The following MYL6B variants were observed in gnomAD, a reference collection of about 807,000 sequenced individuals.
MYL6B encodes the protein myosin alkali light chain 1 slow a.
Under a neutral mutation model 24.5 loss-of-function variants are expected in MYL6B, and 19 were observed. That is an observed-to-expected ratio of 0.78 (90% CI 0.54 to 1.14). MYL6B has a LOEUF of 1.14. MYL6B is among the 50% of genes most tolerant of loss of function. The pLI, the probability that MYL6B is intolerant of heterozygous loss-of-function variation, is 0.00. For synonymous variants in MYL6B, 90 were observed against 100.7 expected (o/e 0.89, Z 0.64); for missense variants, 230 against 263.8 (o/e 0.87, Z 0.89).
At position 56,157,941 on chromosome 12, in the gene MYL6B, G is replaced by C. The variant is rs1213860417; in HGVS notation, c.*215G>C. On this transcript the variant is annotated 3_prime_UTR_variant, in exon 7 of 7. Transcript: ENST00000553066. The stretch of plus-strand genomic sequence containing the variant: ...GAAAGCACGTTCCAGCCACCAGGAG[G>C]CCACCTATTGTTTCAAAATAAAGAC... 1.7e-5 allele frequency: 10 copies of C among 600,692 alleles called. No homozygotes were observed. In the East Asian group the frequency reaches 2.5e-4, roughly 15 times the overall value. The allele number at this position is 600,692 out of a possible 1,614,324, so 37.2% of individuals were successfully genotyped here.
rs1251185345 is a variant in MYL6B at position 56,153,923 on chromosome 12, C to T, written c.5C>T (p.Pro2Leu). 3.1e-6 allele frequency: 5 copies of T among 1,610,692 alleles called. No homozygotes were observed. In the African/African-American group the frequency reaches 6.7e-5, roughly 22 times the overall value. The change falls in exon 2 of 7, where the codon CCT becomes CTT. Residue 2 changes from proline (P) to leucine (L), a missense_variant. Pro to Leu is a moderately conservative substitution (Grantham distance 98). Transcript: ENST00000553066. ...GTCCTTTGGCCACCGGACATCATGC[C>T]TCCCAAGAAGGATGTTCCCGTGAAG...
At chr12:56,155,394 TC>T in intron 4 of MYL6B, 24 bp from the exon 5 acceptor site, 5 of 1,614,150 alleles carry the variant, frequency 3.1e-6, no homozygotes, top group Non-Finnish European at 4.2e-6. Flanking sequence ...CAATGACCTC[TC>T]CTTTACCTCT....
At chr12:56,157,760 G>A in exon 7 of MYL6B, 4 of 1,607,088 alleles carry the variant, frequency 2.5e-6, no homozygotes, top group Non-Finnish European at 3.4e-6. Flanking sequence ...CCCCTTCGCC[G>A]CGCCTTACGA....
chr12:56,152,935 G>C (rs953705118), intron 1 of MYL6B, among the ~76,000 whole-genome samples: 2 of 151,852 alleles, frequency 1.3e-5, no homozygotes, highest in Non-Finnish European at 2.9e-5. Flanking sequence ...CTCTCTCCCA[G>C]CGCCCCTGGC....
intron 5 of MYL6B, 128 bp downstream of exon 5, chr12:56,155,720 GAGA>G (rs1871282336): frequency 6.5e-7 from 1 of 1,549,952 alleles, no homozygotes; most frequent in Non-Finnish European, 8.7e-7. Context: ...GCAGGAGACT[GAGA>G]AGGTCAGAGC....
chr12:56,156,434 G>T (rs1473665723), intron 5 of MYL6B, among the ~76,000 whole-genome samples: 2 of 150,290 alleles, frequency 1.3e-5, no homozygotes, highest in Non-Finnish European at 3.0e-5. Context: ...GTGAAACCTC[G>T]TCTCTACTAA....
At chr12:56,157,047 CA>C (rs34843827) in intron 5 of MYL6B, 8,991 of 110,354 alleles carry the variant, frequency 0.081, 717 homozygotes, top group African/African-American at 0.26. Context: ...GACCCTATCT[CA>C]AAAAAAAAAA....
exon 5 of MYL6B, chr12:56,155,529 T>C (rs1871275186): frequency 6.2e-7 from 1 of 1,613,610 alleles, no homozygotes. Flanking sequence ...GTTTCGTGTG[T>C]TTGACAAGGA....
rs555211252 is a variant in MYL6B, at chr12:56,157,868, G to GT, written c.*149dup. On this transcript the variant is annotated 3_prime_UTR_variant, in exon 7 of 7. Transcript: ENST00000553066. ...CGGGCTCCAGCGCTTCGCAACTTTG[G>GT]TTTTTTTCCACAGATCCAGTGGGGT... The GT allele has an allele frequency of 1.9e-6, 2 of 1,050,788 alleles. No homozygotes were observed. Among genetic ancestry groups the GT allele is most frequent in the Non-Finnish European group, 1.4e-6 (1 of 729,880 alleles). 65.1% of individuals were successfully genotyped at this position (1,050,788 alleles called of 1,614,324 possible).
rs1234185498 is a variant in MYL6B, at chr12:56,154,837, G to T, written c.199G>T (p.Glu67Ter). 6.2e-7 allele frequency: 1 copy of T among 1,612,604 alleles called. No homozygotes were observed. The highest frequency in any genetic ancestry group is 2.2e-5 in the East Asian group (1 of 44,882). Residue 67 changes from glutamate (E) to a stop codon, truncating the protein, a stop_gained, in exon 3 of 7, where the codon GAG becomes TAG. Coordinates refer to ENST00000553066, the Ensembl canonical transcript of MYL6B. LOFTEE classifies it high-confidence loss of function. ...GATCGAGTTTAACAAGGACCAGCTG[G>T]AGGGTGAGGAGAAGCTCATCTAAGG...
At position 56,153,860 on chromosome 12, in the gene MYL6B, G is replaced by A. The variant is rs910223029; in HGVS notation, c.-46-13G>A. On this transcript the variant is annotated splice_polypyrimidine_tract_variant and intron_variant, in intron 1 of 6. Coordinates refer to ENST00000553066, the Ensembl canonical transcript of MYL6B. ...GCCCCTTGACATCCCAGACTCCCTG[G>A]CTATTTAAACAGAGATGGGTGCCCC... 2.0e-6 allele frequency: 3 copies of A among 1,516,666 alleles called. No homozygotes were observed. Among genetic ancestry groups the A allele is most frequent in the Admixed American group, 4.2e-5 (2 of 47,564 alleles). 94.0% of individuals were successfully genotyped at this position (1,516,666 alleles called of 1,614,324 possible).
intron 5 of MYL6B, chr12:56,157,187 G>C (rs962470275): frequency 2.5e-6 from 1 of 395,958 alleles, no homozygotes; most frequent in African/African-American, 2.0e-5. Flanking sequence ...CTGAGGTCAA[G>C]AGTTTGAGAG....
In MYL6B at chr12:56,153,861, C is replaced by G; in HGVS notation, c.-46-12C>G. 1 of 1,518,188 alleles carries G rather than the reference C, an allele frequency of 6.6e-7. No individual in the cohort carries two copies. Among genetic ancestry groups the G allele is most frequent in the Non-Finnish European group, 8.9e-7 (1 of 1,126,300 alleles). The allele number at this position is 1,518,188 out of a possible 1,614,324, so 94.0% of individuals were successfully genotyped here. ...CCCCTTGACATCCCAGACTCCCTGG[C>G]TATTTAAACAGAGATGGGTGCCCCC... is the stretch of plus-strand genomic sequence containing the variant. On this transcript the variant is annotated splice_polypyrimidine_tract_variant and intron_variant, in intron 1 of 6. Transcript: ENST00000553066.
chr12:56,154,053 G>A (rs1397014640), exon 2 of MYL6B: 1 of 1,613,948 alleles, frequency 6.2e-7, no homozygotes, highest in Admixed American at 1.7e-5. Flanking sequence ...AGGCCCCTCA[G>A]AAAACCCAGG....
intron 5 of MYL6B, chr12:56,157,147 C>T (rs548468628): frequency 7.4e-6 from 2 of 269,550 alleles, no homozygotes; most frequent in East Asian, 1.6e-4. Context: ...GTAATCCTAG[C>T]ACTTTGGGAG....
chr12:56,157,244 A>G, intron 5 of MYL6B: 1 of 494,320 alleles, frequency 2.0e-6, no homozygotes, highest in South Asian at 2.3e-5. Flanking sequence ...AAAATACAAA[A>G]AATTAGCCGG....
chr12:56,155,913 A>G, intron 5 of MYL6B: 6 of 1,234,850 alleles, frequency 4.9e-6, no homozygotes, highest in Non-Finnish European at 6.2e-6. Context: ...CAATACTTTC[A>G]GCAGTACTAG....
At chr12:56,154,688 G>T in intron 2 of MYL6B, 125 bp from the exon 3 acceptor site, 1 of 1,039,860 alleles carries the variant, frequency 9.6e-7, no homozygotes, top group Non-Finnish European at 1.4e-6. Flanking sequence ...GGACTGAGGT[G>T]GCTGGGCTTC....
At chr12:56,154,902 C>A in intron 3 of MYL6B, 62 bp downstream of exon 3, 1 of 1,591,470 alleles carries the variant, frequency 6.3e-7, no homozygotes, top group Admixed American at 1.8e-5. Flanking sequence ...GATTCTCTTT[C>A]TATTCCCCTA....
Sources: gnomAD v4.1 joint callset for allele counts (sites outside exome capture counted in the v4.1 genomes callset) on GRCh38, gnomAD v4.1.1 for gene constraint, MANE v1.5 for transcripts, NCBI Gene and HGNC (gene_info 2026-07-23, HGNC 2026-07-21) for gene names.